SPATA18: variants seen among roughly 807,000 people sequenced by gnomAD.
SPATA18 encodes spermatogenesis associated 18, also known as mitochondria-eating protein.
In SPATA18, 54 loss-of-function variants were observed where a neutral mutation model predicts 68.1. The ratio of observed to expected loss-of-function variants is 0.79; its 90% CI spans 0.64 to 0.99. SPATA18 has a LOEUF of 0.99. Among genes scored for constraint, SPATA18 ranks in the 50% least tolerant of loss-of-function variants. SPATA18 has a pLI of 0.00. For missense variants in SPATA18, 724 were observed against 681.1 expected, an observed-to-expected ratio of 1.06 and a Z score of -0.70; for synonymous variants, 242 against 244.8, an observed-to-expected ratio of 0.99 and a Z score of 0.11.
rs188564753 is a variant in SPATA18, at chr4:52,092,144, C to T, written c.1564-2383C>T. 8.3e-4 allele frequency among the ~76,000 whole-genome samples: 126 copies of T among 152,194 alleles called. 1 individual carries two copies. The highest frequency in any genetic ancestry group is 4.1e-3 in the Admixed American group (63 of 15,276). The stretch of plus-strand genomic sequence containing the variant: ...CAGTGGATCTTAGTTTCCTGGGCTC[C>T]GTGGGGATGGGACCCGCTGAGCCAG... On this transcript the variant is annotated intron_variant, in intron 11 of 12. Transcript: ENST00000295213.
rs986824759 is a variant in SPATA18 at position 52,060,851 on chromosome 4, C to A, written c.263C>A (p.Ala88Asp). 8.7e-6 allele frequency: 14 copies of A among 1,614,034 alleles called. No homozygotes were observed. The highest frequency in any genetic ancestry group is 1.1e-5 in the South Asian group (1 of 91,076). Residue 88 changes from alanine to aspartate, a missense_variant, in exon 3 of 13, where the codon GCT becomes GAT. Coordinates refer to ENST00000295213, the MANE Select transcript of SPATA18 (RefSeq NM_145263.4). ...CCTTGGCTGGAGGCTTCCTTTACTG[C>A]TGCTTCCCTGGGAAAATCTGTTGAC... is the stretch of plus-strand genomic sequence containing the variant. ...LLPWLEASFT[A>D]ASLGKSVDSK...
At chr4:52,080,045 G>A (rs1034100290) in intron 9 of SPATA18, 126 bp downstream of exon 9, 12 of 1,014,324 alleles carry the variant, frequency 1.2e-5, no homozygotes, top group Non-Finnish European at 1.6e-5. Flanking sequence ...TGATTTTCAG[G>A]CCCTACCATA....
chr4:52,054,970 A>T (rs1469347045), intron 1 of SPATA18, among the ~76,000 whole-genome samples: 1 of 151,550 alleles, frequency 6.6e-6, no homozygotes, highest in African/African-American at 2.4e-5. Flanking sequence ...TCTTTATCTT[A>T]TTGCTGTAAA....
Position 52,069,833 on chromosome 4 carries a change from T to G in SPATA18, c.435T>G (p.Thr145=), listed in dbSNP as rs367871723. The stretch of plus-strand genomic sequence containing the variant: ...ATTTATCTTACAGTCTGGTTGAAAC[T>G]GAAAAGAATCTTGAAGAAAGCAAGA... ...CNQVQDDLVE[T]EKNLEESKNR... is the part of the protein sequence containing the mutation. Residue 145 remains threonine (T), a synonymous_variant, in exon 5 of 13, where the codon ACT becomes ACG. Transcript: ENST00000295213. 3 of 1,576,216 alleles carry G rather than the reference T, an allele frequency of 1.9e-6. No homozygotes were observed. The African/African-American group carries it at 4.0e-5, about 21-fold the overall frequency.
intron 10 of SPATA18, 115 bp downstream of exon 10, chr4:52,082,625 C>T (rs1034641238): frequency 1.3e-6 from 2 of 1,595,672 alleles, no homozygotes; most frequent in Admixed American, 1.7e-5. Context: ...GATAAGATTT[C>T]ATACAAAGGA....
Position 52,078,718 on chromosome 4 carries a change from T to A in SPATA18, c.1021-17T>A. 6.6e-7 allele frequency: 1 copy of A among 1,511,604 alleles called. No individual in the cohort carries two copies. The highest frequency in any genetic ancestry group is 9.0e-7 in the Non-Finnish European group (1 of 1,112,684). The allele number at this position is 1,511,604 out of a possible 1,614,324, so 93.6% of individuals were successfully genotyped here. On this transcript the variant is annotated splice_polypyrimidine_tract_variant and intron_variant, in intron 7 of 12. Transcript: ENST00000295213. Reference sequence around the variant, plus strand: ...ACCTCTTTTCACCAAATAAATTTGCTGCATTTTTATGTGCAGGAGGCATTC... The same window carrying A: ...ACCTCTTTTCACCAAATAAATTTGCAGCATTTTTATGTGCAGGAGGCATTC...
chr4:52,070,056 ATT>A, intron 5 of SPATA18, 140 bp downstream of exon 5: 1 of 225,030 alleles, frequency 4.4e-6, no homozygotes, highest in Non-Finnish European at 8.0e-6. Flanking sequence ...ATATATATAT[ATT>A]TACTACAAAG....
intron 11 of SPATA18, among the ~76,000 whole-genome samples, chr4:52,085,753 C>T (rs541814331): frequency 6.6e-6 from 1 of 151,844 alleles, no homozygotes; most frequent in Admixed American, 6.6e-5. Context: ...AAAAATTCCC[C>T]CCCAAATTAG....
At chr4:52,078,989 T>A in intron 8 of SPATA18, 96 bp downstream of exon 8, 1 of 1,225,868 alleles carries the variant, frequency 8.2e-7, no homozygotes, top group Non-Finnish European at 1.1e-6. Flanking sequence ...TATTTAGTAT[T>A]AATTCTATGT....
chr4:52,057,240 T>C (rs1488483853), intron 1 of SPATA18, among the ~76,000 whole-genome samples: 2 of 152,102 alleles, frequency 1.3e-5, no homozygotes, highest in Non-Finnish European at 1.5e-5. Flanking sequence ...TTACATATAA[T>C]AGAAACTCAA....
Position 52,076,887 on chromosome 4 carries a change from C to G in SPATA18, c.867C>G (p.Asn289Lys). 1 of 1,614,226 alleles carries G rather than the reference C, an allele frequency of 6.2e-7. No individual in the cohort carries two copies. The change falls in exon 7 of 13, where the codon AAC (asparagine) becomes AAG (lysine). Residue 289 changes from asparagine (N) to lysine (K), a missense_variant. Physicochemically the swap from Asn to Lys is moderately conservative, Grantham distance 94 (BLOSUM62 0). Coordinates refer to ENST00000295213, the MANE Select transcript of SPATA18 (RefSeq NM_145263.4). ...TAVKVRRPSP[N>K]RSKLSNVARK... The stretch of plus-strand genomic sequence containing the variant: ...TCAAGGTCAGGAGACCGTCCCCAAA[C>G]CGCTCCAAGCTGTCCAATGTGGCGC...
chr4:52,059,629 A>T (rs541815311), intron 1 of SPATA18, among the ~76,000 whole-genome samples: 1 of 152,350 alleles, frequency 6.6e-6, no homozygotes, highest in Non-Finnish European at 1.5e-5. Flanking sequence ...ACTTTCCAAG[A>T]CAATGGACTC....
intron 11 of SPATA18, among the ~76,000 whole-genome samples, chr4:52,093,483 G>A (rs1437648833): frequency 6.6e-6 from 1 of 152,178 alleles, no homozygotes; most frequent in African/African-American, 2.4e-5. Flanking sequence ...TGCTCTTAGA[G>A]ATTTTCATAT....
intron 11 of SPATA18, among the ~76,000 whole-genome samples, chr4:52,094,077 G>A (rs893043108): frequency 2.0e-5 from 3 of 152,158 alleles, no homozygotes; most frequent in Non-Finnish European, 4.4e-5. Context: ...CTATGTCACT[G>A]ACTTGTGGTT....
chr4:52,056,319 A>G (rs2109405318), intron 1 of SPATA18, among the ~76,000 whole-genome samples: 1 of 152,344 alleles, frequency 6.6e-6, no homozygotes, highest in Admixed American at 6.5e-5. Flanking sequence ...GCTCAGCTCC[A>G]GTGCTGGAGG....
intron 4 of SPATA18, among the ~76,000 whole-genome samples, chr4:52,063,043 T>C (rs1450639376): frequency 6.6e-6 from 1 of 152,174 alleles, no homozygotes; most frequent in Non-Finnish European, 1.5e-5. Flanking sequence ...GGTAGACAAA[T>C]ATGTATGAAA....
At chr4:52,082,318 T>G in intron 9 of SPATA18, 69 bp from the exon 10 acceptor site, 1 of 1,405,496 alleles carries the variant, frequency 7.1e-7, no homozygotes, top group Non-Finnish European at 1.0e-6. Context: ...GAATTCACAC[T>G]GATGTTTTCC....
intron 12 of SPATA18, 118 bp from the exon 13 acceptor site, chr4:52,094,762 T>G: frequency 6.9e-7 from 1 of 1,443,778 alleles, no homozygotes; most frequent in Non-Finnish European, 9.7e-7. Context: ...AGAAGGAGCT[T>G]CCAACCAAGA....
At chr4:52,076,444 G>A (rs1263530805) in intron 6 of SPATA18, among the ~76,000 whole-genome samples, 1 of 152,136 alleles carries the variant, frequency 6.6e-6, no homozygotes, top group Admixed American at 6.5e-5. Context: ...ATATTGTGAT[G>A]CAAAGTTCCA....
Sources: allele counts gnomAD v4.1 joint callset (sites outside exome capture counted in the v4.1 genomes callset), GRCh38; gene constraint gnomAD v4.1.1; transcripts MANE v1.5; gene names NCBI Gene and HGNC (gene_info 2026-07-23, HGNC 2026-07-21).